TRIM71: variants seen among roughly 807,000 people sequenced by gnomAD.
TRIM71 encodes tripartite motif containing 71.
A neutral mutation model predicts 61.2 loss-of-function variants in TRIM71; 9 were observed. The observed-to-expected ratio is 0.15, with a 90% CI of 0.09 to 0.26. The LOEUF (loss-of-function observed/expected upper bound fraction) is 0.26. Among genes scored for constraint, TRIM71 ranks in the 10% least tolerant of loss-of-function variants. The probability of loss-of-function intolerance (pLI) is 1.00; values close to 1 mark genes in which losing one functional copy is unlikely to be tolerated. For missense variants in TRIM71, 998 were observed against 1,238.7 expected (o/e 0.81, Z 2.92); for synonymous variants, 645 against 553.2 (o/e 1.17, Z -2.33).
chr3:32,826,854 C>T (rs1275347666), intron 1 of TRIM71, among the ~76,000 whole-genome samples: 1 of 152,056 alleles, frequency 6.6e-6, no homozygotes, highest in Non-Finnish European at 1.5e-5. Context: ...GCTCTGCCTC[C>T]TGGGTTCACG....
intron 1 of TRIM71, among the ~76,000 whole-genome samples, chr3:32,863,497 G>GA (rs1277858081): frequency 6.6e-6 from 1 of 152,024 alleles, no homozygotes; most frequent in African/African-American, 2.4e-5. Context: ...ATTCCAGAAG[G>GA]ATTCCCTTGG....
intron 1 of TRIM71, among the ~76,000 whole-genome samples, chr3:32,843,821 A>G (rs1696438938): frequency 1.3e-5 from 2 of 152,196 alleles, no homozygotes; most frequent in African/African-American, 4.8e-5. Context: ...GGGAAGGTGC[A>G]GAGCCGGCCC....
At chr3:32,841,602 G>T (rs1696406718) in intron 1 of TRIM71, among the ~76,000 whole-genome samples, 1 of 152,138 alleles carries the variant, frequency 6.6e-6, no homozygotes, top group South Asian at 2.1e-4. Flanking sequence ...TGGGCCACGA[G>T]TGAGGCCCAC....
chr3:32,879,552 A>G (rs565279783), intron 2 of TRIM71, among the ~76,000 whole-genome samples: 1 of 152,276 alleles, frequency 6.6e-6, no homozygotes, highest in East Asian at 1.9e-4. Context: ...TAAAATAATA[A>G]TGAAAAGTTT....
intron 2 of TRIM71, 149 bp from the exon 3 acceptor site, chr3:32,885,785 G>A: frequency 9.6e-7 from 1 of 1,044,806 alleles, no homozygotes; most frequent in Non-Finnish European, 1.4e-6. Context: ...CTCTCCCTAA[G>A]TGCCTGTTTT....
At chr3:32,837,272 G>A (rs140078889) in intron 1 of TRIM71, among the ~76,000 whole-genome samples, 26 of 152,244 alleles carry the variant, frequency 1.7e-4, no homozygotes, top group African/African-American at 6.0e-4. Context: ...ATTTTGTACT[G>A]TCTGTAATAT....
chr3:32,838,946 G>A (rs572076909), intron 1 of TRIM71, among the ~76,000 whole-genome samples: 1 of 151,960 alleles, frequency 6.6e-6, no homozygotes, highest in Non-Finnish European at 1.5e-5. Context: ...GATGACAGGT[G>A]CATGGCACCA....
At chr3:32,819,771 C>G (rs1377094667) in intron 1 of TRIM71, among the ~76,000 whole-genome samples, 4 of 152,204 alleles carry the variant, frequency 2.6e-5, no homozygotes, top group African/African-American at 9.6e-5. Flanking sequence ...ACTCCAAGCC[C>G]TACAGGAACC....
intron 1 of TRIM71, among the ~76,000 whole-genome samples, chr3:32,853,593 G>T (rs552240700): frequency 2.2e-4 from 34 of 152,292 alleles, no homozygotes; most frequent in Middle Eastern, 6.8e-3. Context: ...TTGTCTTGTA[G>T]CTTGCAAGTG....
At position 32,818,455 on chromosome 3, in the gene TRIM71, C is replaced by T. The variant is rs760658986; in HGVS notation, c.375C>T (p.Ala125=). 161 of 1,461,760 alleles carry T rather than the reference C, an allele frequency of 1.1e-4. No individual in the cohort carries two copies. Among genetic ancestry groups the T allele is most frequent in the Non-Finnish European group, 1.3e-4 (150 of 1,111,968 alleles). The allele number at this position is 1,461,760 out of a possible 1,614,324, so 90.5% of individuals were successfully genotyped here. A position where few individuals can be genotyped will look rare whatever the true frequency, so the allele number is the denominator to read the frequency against. Reference sequence around the variant, plus strand: ...GCAACCTGCTCGACGCGGTGGTGGCCACTGCCGACGAGCCGCCGCCCAAGA... The same window carrying T: ...GCAACCTGCTCGACGCGGTGGTGGCTACTGCCGACGAGCCGCCGCCCAAGA... ...LLSNLLDAVV[A]TADEPPPKNG... The change falls in exon 1 of 4, where the codon GCC becomes GCT. Residue 125 remains alanine (A), a synonymous_variant. Transcript: ENST00000383763.
chr3:32,867,624 T>C (rs984173066), intron 1 of TRIM71, among the ~76,000 whole-genome samples: 1 of 152,196 alleles, frequency 6.6e-6, no homozygotes, highest in Non-Finnish European at 1.5e-5. Context: ...AGCCAGAATC[T>C]TACATATTTA....
chr3:32,842,935 G>T (rs746110222), intron 1 of TRIM71, among the ~76,000 whole-genome samples: 21 of 151,998 alleles, frequency 1.4e-4, no homozygotes, highest in Non-Finnish European at 2.5e-4. Flanking sequence ...CTCTCTCAGG[G>T]CAGGGCCAAG....
intron 2 of TRIM71, among the ~76,000 whole-genome samples, chr3:32,877,404 AT>A (rs77945008): frequency 3.0e-4 from 44 of 145,164 alleles, no homozygotes; most frequent in Admixed American, 4.8e-4. Context: ...GCGCCTGGCC[AT>A]TTTTTTTTTT....
rs370096617 is a variant in TRIM71 at position 32,891,295 on chromosome 3, T to C, written c.2091T>C (p.Asn697=). 1.9e-6 allele frequency: 3 copies of C among 1,613,966 alleles called. No individual in the cohort carries two copies. The highest frequency in any genetic ancestry group is 2.5e-6 in the Non-Finnish European group (3 of 1,180,034). ...AGTTTGGTGAGAAAGGAACCAAGAATGGGCAGTTCAACTACCCTTGGGATG... is the reference window on the plus strand; with the variant it reads ...AGTTTGGTGAGAAAGGAACCAAGAACGGGCAGTTCAACTACCCTTGGGATG... The part of the protein sequence containing the change: ...LLKFGEKGTK[N]GQFNYPWDVA... Residue 697 remains asparagine, a synonymous_variant, in exon 4 of 4, where the codon AAT becomes AAC. Transcript: ENST00000383763. The surrounding 1 kb of genome is among the most constrained non-coding windows in gnomAD (Gnocchi z 8.2).
intron 1 of TRIM71, among the ~76,000 whole-genome samples, chr3:32,825,779 C>A (rs1216578795): frequency 1.3e-5 from 2 of 152,112 alleles, no homozygotes; most frequent in African/African-American, 2.4e-5. Flanking sequence ...TACCGCTTTT[C>A]TTCTTGACCT....
chr3:32,867,407 ATTAT>A (rs1696749971), intron 1 of TRIM71, among the ~76,000 whole-genome samples: 1 of 152,182 alleles, frequency 6.6e-6, no homozygotes, highest in Admixed American at 6.5e-5. Context: ...AGTTTTTAAA[ATTAT>A]TTTATTGACA....
intron 1 of TRIM71, among the ~76,000 whole-genome samples, chr3:32,872,953 G>A (rs1205535011): frequency 6.6e-6 from 1 of 152,174 alleles, no homozygotes; most frequent in African/African-American, 2.4e-5. Flanking sequence ...GCCCTGCTCT[G>A]TGGAGAGATA....
chr3:32,824,128 A>G (rs1696173425), intron 1 of TRIM71, among the ~76,000 whole-genome samples: 1 of 152,034 alleles, frequency 6.6e-6, no homozygotes, highest in Admixed American at 6.6e-5. Flanking sequence ...TTTCCCATCT[A>G]GTTCTCCCTC....
At chr3:32,832,322 T>C (rs1417207962) in intron 1 of TRIM71, among the ~76,000 whole-genome samples, 1 of 151,942 alleles carries the variant, frequency 6.6e-6, no homozygotes, top group Non-Finnish European at 1.5e-5. Context: ...CCGAGCACAG[T>C]AGTTGTGCCC....
Sources: allele counts gnomAD v4.1 joint callset (sites outside exome capture counted in the v4.1 genomes callset), GRCh38; gene constraint gnomAD v4.1.1; non-coding constraint Gnocchi (gnomAD v3.1); transcripts MANE v1.5; gene names NCBI Gene and HGNC (gene_info 2026-07-23, HGNC 2026-07-21).